Variants in ABRA observed in about 807,000 individuals in gnomAD.
ABRA encodes actin-binding Rho-activating protein.
In ABRA, 25 loss-of-function variants were observed where a neutral mutation model predicts 33.4. The observed-to-expected ratio is 0.75, with a 90% CI of 0.55 to 1.04. The LOEUF is 1.04. Among genes scored for constraint, ABRA ranks in the 50% least tolerant of loss-of-function variants. The pLI, the probability that ABRA is intolerant of heterozygous loss-of-function variation, is 0.00. For synonymous variants in ABRA, 193 were observed against 176.8 expected (o/e 1.09, Z -0.73); for missense variants, 501 against 491.7 (o/e 1.02, Z -0.18).
intron 1 of ABRA, among the ~76,000 whole-genome samples, chr8:106,766,157 A>C (rs1836216856): frequency 6.6e-6 from 1 of 152,212 alleles, no homozygotes; most frequent in African/African-American, 2.4e-5. Context: ...CCTTTATGAG[A>C]GAGAGATCTA....
chr8:106,762,338 G>A (rs1353255314), intron 1 of ABRA, among the ~76,000 whole-genome samples: 2 of 152,308 alleles, frequency 1.3e-5, no homozygotes, highest in African/African-American at 2.4e-5. Context: ...GGATTCAAAC[G>A]CAAGACTGCC....
chr8:106,769,814 T>A lies in ABRA; in HGVS notation c.377A>T (p.His126Leu). The change falls in exon 1 of 2, where the codon CAC (histidine) becomes CTC (leucine). Residue 126 changes from histidine to leucine, a missense_variant. Transcript: ENST00000311955. ...KTYERGGDVS[H>L]LSHRYERDAG... ...ATCCCTCTCGTACCTGTGGCTGAGG[T>A]GGCTCACGTCCCCTCCTCTCTCATA... 1 of 1,614,112 alleles carries A rather than the reference T, an allele frequency of 6.2e-7. No homozygotes were observed. The highest frequency in any genetic ancestry group is 8.5e-7 in the Non-Finnish European group (1 of 1,180,014).
rs559431964 is a variant in ABRA at position 106,759,567 on chromosome 8, A to G, written c.*1470T>C. On this transcript the variant is annotated 3_prime_UTR_variant, in exon 2 of 2. Transcript: ENST00000311955. ...CTTGTAATAGAAGTGTGCATCTTACATGAAATCCTACTTAGAAATATTGGT... is the reference window on the plus strand; with the variant it reads ...CTTGTAATAGAAGTGTGCATCTTACGTGAAATCCTACTTAGAAATATTGGT... 2 of 152,340 alleles carry G rather than the reference A, an allele frequency of 1.3e-5. No homozygotes were observed. Among genetic ancestry groups the G allele is most frequent in the African/African-American group, 4.8e-5 (2 of 41,580 alleles). 9.4% of individuals were successfully genotyped at this position (152,340 alleles called of 1,614,324 possible).
In ABRA at chr8:106,760,912, C is replaced by T. The variant is rs551517287; in HGVS notation, c.*125G>A. The T allele has an allele frequency of 1.0e-5, 9 of 871,176 alleles. No homozygotes were observed. Among genetic ancestry groups the T allele is most frequent in the African/African-American group, 5.0e-5 (3 of 59,416 alleles). The allele number at this position is 871,176 out of a possible 1,614,324, so 54.0% of individuals were successfully genotyped here. A position where few individuals can be genotyped will look rare whatever the true frequency, so the allele number is the denominator to read the frequency against. On this transcript the variant is annotated 3_prime_UTR_variant, in exon 2 of 2. Coordinates refer to ENST00000311955, the MANE Select transcript of ABRA (RefSeq NM_139166.5). ...AGATAGAAATAGAATGCCAGAAAGT[C>T]GTTTATGTAAAAATTGTTTAATATT...
rs1836124844 is a variant in ABRA at position 106,760,862 on chromosome 8, C to A, written c.*175G>T. On this transcript the variant is annotated 3_prime_UTR_variant, in exon 2 of 2. Transcript: ENST00000311955. ...CTTTCTGAAATGCTTTGTGCCTTCT[C>A]AAAATCTCCAAAATTCCTCATTCTA... is the stretch of plus-strand genomic sequence containing the variant. 1 of 644,846 alleles carries A rather than the reference C, an allele frequency of 1.6e-6. No homozygotes were observed. The allele number at this position is 644,846 out of a possible 1,614,324, so 39.9% of individuals were successfully genotyped here. A position where few individuals can be genotyped will look rare whatever the true frequency, so the allele number is the denominator to read the frequency against.
At chr8:106,764,479 C>A (rs989054983) in intron 1 of ABRA, among the ~76,000 whole-genome samples, 1 of 152,132 alleles carries the variant, frequency 6.6e-6, no homozygotes, top group Non-Finnish European at 1.5e-5. Flanking sequence ...CATGGTGAAA[C>A]CCCATCTCTA....
chr8:106,762,635 G>A (rs1471653312), intron 1 of ABRA, among the ~76,000 whole-genome samples: 2 of 152,058 alleles, frequency 1.3e-5, no homozygotes, highest in Non-Finnish European at 2.9e-5. Flanking sequence ...GACACAGGGA[G>A]GGGAACAGCA....
chr8:106,769,609 G>T lies in ABRA; in HGVS notation c.582C>A (p.Ser194Arg), dbSNP rs150778049. Residue 194 changes from serine to arginine, a missense_variant, in exon 1 of 2, where the codon AGC (serine) becomes AGA (arginine). Coordinates refer to ENST00000311955, the MANE Select transcript of ABRA (RefSeq NM_139166.5). ...TCTCCTCAGCCTCTCCTCCATAGCC[G>T]CTGTCCTCTGTGTCTACGCTGTCAC... The part of the protein sequence containing the change: ...WRSDSVDTED[S>R]GYGGEAEERP... The T allele has an allele frequency of 1.2e-6, 2 of 1,614,146 alleles. No homozygotes were observed. The highest frequency in any genetic ancestry group is 1.7e-6 in the Non-Finnish European group (2 of 1,180,026).
intron 1 of ABRA, 21 bp downstream of exon 1, chr8:106,769,502 T>G (rs1341062204): frequency 6.2e-7 from 1 of 1,600,432 alleles, no homozygotes; most frequent in East Asian, 2.2e-5. Context: ...ACACAAGGAG[T>G]GGGAGAATGC....
chr8:106,761,710 C>A (rs1318817822), intron 1 of ABRA, among the ~76,000 whole-genome samples, 196 bp from the exon 2 acceptor site: 1 of 152,134 alleles, frequency 6.6e-6, no homozygotes, highest in Admixed American at 6.5e-5. Context: ...TAGTTTGGTG[C>A]ATATCCTTCT....
intron 1 of ABRA, among the ~76,000 whole-genome samples, chr8:106,767,399 T>A (rs1466132381): frequency 2.6e-5 from 4 of 152,112 alleles, no homozygotes; most frequent in Non-Finnish European, 4.4e-5. Context: ...AAGGCCAGAG[T>A]TTGGAATATG....
Position 106,769,784 on chromosome 8 carries a change from C to T in ABRA, c.407G>A (p.Gly136Asp). The change falls in exon 1 of 2, where the codon GGT (glycine) becomes GAT (aspartate). Residue 136 changes from glycine to aspartate, a missense_variant. Transcript: ENST00000311955. ...CTCTGGCTGCCCAGGTTCAAGCACA[C>T]CAGCATCCCTCTCGTACCTGTGGCT... ...HLSHRYERDA[G>D]VLEPGQPEND... The T allele has an allele frequency of 6.2e-7, 1 of 1,614,192 alleles. No individual in the cohort carries two copies. Among genetic ancestry groups the T allele is most frequent in the Non-Finnish European group, 8.5e-7 (1 of 1,180,038 alleles).
chr8:106,767,383 A>G (rs1008772991), intron 1 of ABRA, among the ~76,000 whole-genome samples: 2 of 152,116 alleles, frequency 1.3e-5, no homozygotes, highest in African/African-American at 4.8e-5. Flanking sequence ...ATGTCCCAAG[A>G]TCCAAAAGGC....
chr8:106,762,748 A>G (rs1287168727), intron 1 of ABRA, among the ~76,000 whole-genome samples: 1 of 152,192 alleles, frequency 6.6e-6, no homozygotes, highest in East Asian at 1.9e-4. Context: ...AGGTGCAGCA[A>G]GCCACCATGG....
chr8:106,762,655 G>A (rs1836154602), intron 1 of ABRA, among the ~76,000 whole-genome samples: 1 of 152,078 alleles, frequency 6.6e-6, no homozygotes. Context: ...ACACACCGGG[G>A]CCTGTTGGGG....
At chr8:106,766,362 G>A (rs1308233704) in intron 1 of ABRA, among the ~76,000 whole-genome samples, 1 of 152,064 alleles carries the variant, frequency 6.6e-6, no homozygotes, top group Non-Finnish European at 1.5e-5. Context: ...TAACCACCAA[G>A]AAACTTTCTT....
In ABRA at chr8:106,769,741, G is replaced by A. The variant is rs773709951; in HGVS notation, c.450C>T (p.Ile150=). Reference sequence around the variant, plus strand: ...GCGTTGGGGAGCCGTGGCTGTGGAGGATTCTGTCAATGTCATTCTCTGGCT... The same window carrying A: ...GCGTTGGGGAGCCGTGGCTGTGGAGAATTCTGTCAATGTCATTCTCTGGCT... The part of the protein sequence containing the change: ...PGQPENDIDR[I]LHSHGSPTRR... The change falls in exon 1 of 2, where the codon ATC becomes ATT. Residue 150 remains isoleucine (I), a synonymous_variant. Transcript: ENST00000311955. 3.4e-5 allele frequency: 55 copies of A among 1,614,050 alleles called. No individual in the cohort carries two copies. The South Asian group carries it at 5.9e-4, about 17-fold the overall frequency.
chr8:106,769,957 G>A lies in ABRA; in HGVS notation c.234C>T (p.Ala78=). 6.2e-7 allele frequency: 1 copy of A among 1,613,770 alleles called. No individual in the cohort carries two copies. Among genetic ancestry groups the A allele is most frequent in the Non-Finnish European group, 8.5e-7 (1 of 1,179,950 alleles). Residue 78 remains alanine, a synonymous_variant, in exon 1 of 2, where the codon GCC becomes GCT. Transcript: ENST00000311955. The stretch of plus-strand genomic sequence containing the variant: ...CTGGCAGGCGGGGTGGCGACTTTGG[G>A]GCACTCTGAGCTTTCTGGTGTGAAG... ...PPTSHQKAQS[A]PKSPPRLPEG...
At chr8:106,766,045 TCCCTATTTACAAAATGGCAG>T in intron 1 of ABRA, among the ~76,000 whole-genome samples, 1 of 152,228 alleles carries the variant, frequency 6.6e-6, no homozygotes, top group African/African-American at 2.4e-5. Context: ...TGTGTCAGTT[TCCCTATTTACAAAATGGCAG>T]CCTCCTGCTC....
Sources: gnomAD v4.1 joint callset for allele counts (sites outside exome capture counted in the v4.1 genomes callset) on GRCh38, gnomAD v4.1.1 for gene constraint, MANE v1.5 for transcripts, NCBI Gene and HGNC (gene_info 2026-07-23, HGNC 2026-07-21) for gene names.